CCSER1: variants seen among roughly 807,000 people sequenced by gnomAD.
The protein encoded by CCSER1 is coiled-coil serine rich protein 1.
A neutral mutation model predicts 82.0 loss-of-function variants in CCSER1; 41 were observed. That is an observed-to-expected ratio of 0.50 (90% CI 0.39 to 0.65). CCSER1 has a LOEUF of 0.65. Among genes scored for constraint, CCSER1 ranks in the 30% least tolerant of loss-of-function variants. CCSER1 has a pLI of 0.00. For synonymous variants in CCSER1, 414 were observed against 383.9 expected (o/e 1.08, Z -0.92); for missense variants, 1,119 against 1,064.2 (o/e 1.05, Z -0.72).
chr4:90,803,585 C>T (rs1189869082), intron 7 of CCSER1, among the ~76,000 whole-genome samples: 1 of 152,120 alleles, frequency 6.6e-6, no homozygotes, highest in African/African-American at 2.4e-5. Flanking sequence ...TGTATATCTG[C>T]CACATTTTCT....
intron 7 of CCSER1, among the ~76,000 whole-genome samples, chr4:90,810,294 T>G (rs772638375): frequency 6.6e-6 from 1 of 152,134 alleles, no homozygotes; most frequent in Non-Finnish European, 1.5e-5. Flanking sequence ...TCAGTTATTA[T>G]GTTTGGTGCT....
At chr4:90,737,149 C>T (rs560129223) in intron 7 of CCSER1, among the ~76,000 whole-genome samples, 3 of 151,972 alleles carry the variant, frequency 2.0e-5, no homozygotes, top group Non-Finnish European at 4.4e-5. Flanking sequence ...GTTTATGTAC[C>T]ATAGTTACGG....
At chr4:90,900,546 C>A (rs192444864) in intron 8 of CCSER1, among the ~76,000 whole-genome samples, 1 of 151,624 alleles carries the variant, frequency 6.6e-6, no homozygotes, top group African/African-American at 2.4e-5. Context: ...TAGTTATTTG[C>A]GCAAAAGTCA....
chr4:90,542,690 C>A (rs1776258383), intron 5 of CCSER1, among the ~76,000 whole-genome samples: 1 of 152,036 alleles, frequency 6.6e-6, no homozygotes, highest in Non-Finnish European at 1.5e-5. Context: ...ATATTTACTG[C>A]AAAATTAAAG....
chr4:90,614,110 G>C (rs931454597), intron 5 of CCSER1, among the ~76,000 whole-genome samples: 6 of 151,978 alleles, frequency 3.9e-5, no homozygotes, highest in Non-Finnish European at 8.8e-5. Context: ...ATTCACACAA[G>C]ATTTCAAACT....
At chr4:90,758,834 G>A (rs1026172850) in intron 7 of CCSER1, among the ~76,000 whole-genome samples, 7 of 152,142 alleles carry the variant, frequency 4.6e-5, no homozygotes, top group Non-Finnish European at 1.0e-4. Context: ...AGTGTAGTAG[G>A]ATGGTTAAAA....
At chr4:91,475,948 TC>T (rs1757569384) in intron 10 of CCSER1, among the ~76,000 whole-genome samples, 2 of 151,866 alleles carry the variant, frequency 1.3e-5, no homozygotes, top group African/African-American at 4.8e-5. Flanking sequence ...TCCAGTTCCA[TC>T]CATGTTGCTG....
chr4:91,193,492 G>C (rs578152949), intron 10 of CCSER1, among the ~76,000 whole-genome samples: 9 of 152,168 alleles, frequency 5.9e-5, no homozygotes, highest in African/African-American at 1.7e-4. Context: ...TATAATCTTA[G>C]ATAAATTACG....
At chr4:90,748,917 A>T (rs928392124) in intron 7 of CCSER1, among the ~76,000 whole-genome samples, 2 of 150,818 alleles carry the variant, frequency 1.3e-5, no homozygotes, top group African/African-American at 2.4e-5. Flanking sequence ...GTTTAAGTTA[A>T]TTGTAGATTC....
At position 91,604,274 on chromosome 4, in the gene CCSER1, CAT is replaced by C. The variant is rs371796187; in HGVS notation, c.*5218_*5219del. The C allele has an allele frequency of 1.3e-4, 20 of 152,218 alleles. No individual in the cohort carries two copies. The highest frequency in any genetic ancestry group is 3.1e-4 in the African/African-American group (13 of 41,564). 9.4% of individuals were successfully genotyped at this position (152,218 alleles called of 1,614,324 possible). A position where few individuals can be genotyped will look rare whatever the true frequency, so the allele number is the denominator to read the frequency against. On this transcript the variant is annotated 3_prime_UTR_variant, in exon 11 of 11. Coordinates refer to ENST00000509176, the MANE Select transcript of CCSER1 (RefSeq NM_001145065.2). ...AAGGAGGCAGAGTGATTTAAACAAA[CAT>C]GTGCTGCTTCAATCTCCTTTACTCC...
At chr4:91,165,531 C>T (rs919959586) in intron 10 of CCSER1, among the ~76,000 whole-genome samples, 1 of 152,206 alleles carries the variant, frequency 6.6e-6, no homozygotes, top group Non-Finnish European at 1.5e-5. Flanking sequence ...GCCCTGCTCC[C>T]AGTGGTGGGG....
chr4:91,158,230 G>T (rs564943114), intron 10 of CCSER1, among the ~76,000 whole-genome samples: 121 of 152,030 alleles, frequency 8.0e-4, no homozygotes, highest in African/African-American at 2.5e-3. Context: ...CTATTTGAAG[G>T]TTAAAATATA....
intron 7 of CCSER1, among the ~76,000 whole-genome samples, chr4:90,775,192 G>A (rs1752738411): frequency 6.6e-6 from 1 of 152,100 alleles, no homozygotes; most frequent in Non-Finnish European, 1.5e-5. Flanking sequence ...TAAGAATCAT[G>A]AATTGAGTAC....
intron 10 of CCSER1, among the ~76,000 whole-genome samples, chr4:91,456,938 T>G (rs2149425972): frequency 6.6e-6 from 1 of 152,250 alleles, no homozygotes; most frequent in East Asian, 1.9e-4. Context: ...CCTGAGTAAT[T>G]CTTTCGTGTC....
chr4:90,930,446 A>T (rs924043260), intron 9 of CCSER1, among the ~76,000 whole-genome samples: 23 of 150,990 alleles, frequency 1.5e-4, no homozygotes, highest in South Asian at 6.3e-4. Context: ...CTAAAAATTT[A>T]AAAAAAAAAT....
chr4:90,560,341 G>A (rs532743347), intron 5 of CCSER1, among the ~76,000 whole-genome samples: 2 of 151,640 alleles, frequency 1.3e-5, no homozygotes, highest in Non-Finnish European at 2.9e-5. Context: ...GAAATTTCTG[G>A]AACTGTAGCC....
intron 10 of CCSER1, among the ~76,000 whole-genome samples, chr4:91,111,989 T>G (rs13142335): frequency 0.98 from 149,654 of 152,122 alleles, 73,621 homozygotes; most frequent in East Asian, 1. Flanking sequence ...ACCAGTTTTA[T>G]GTTATGAAAG....
chr4:90,156,838 C>G (rs961868328), intron 1 of CCSER1, among the ~76,000 whole-genome samples: 2 of 152,152 alleles, frequency 1.3e-5, no homozygotes, highest in African/African-American at 4.8e-5. Context: ...ATTTGCCAGT[C>G]TGTGTCTTTT....
chr4:90,148,549 TAG>T (rs1726241376), intron 1 of CCSER1, among the ~76,000 whole-genome samples: 1 of 152,144 alleles, frequency 6.6e-6, no homozygotes, highest in African/African-American at 2.4e-5. Context: ...GCTTCTTGGT[TAG>T]AGAGAAGGAT....
Sources: allele counts gnomAD v4.1 joint callset (sites outside exome capture counted in the v4.1 genomes callset), GRCh38; gene constraint gnomAD v4.1.1; transcripts MANE v1.5; gene names NCBI Gene and HGNC (gene_info 2026-07-23, HGNC 2026-07-21).